The following STK32B variants were observed in gnomAD, a reference collection of about 807,000 sequenced individuals.
STK32B encodes serine/threonine kinase 32B.
A neutral mutation model predicts 52.6 loss-of-function variants in STK32B; 43 were observed. The ratio of observed to expected loss-of-function variants is 0.82; its 90% CI spans 0.64 to 1.05. STK32B has a LOEUF of 1.05. Ranked by LOEUF, STK32B falls within the 50% of genes least tolerant of loss-of-function variation. The pLI is 0.00. For synonymous variants in STK32B, 238 were observed against 204.3 expected (o/e 1.17, Z -1.41); for missense variants, 621 against 534.6 (o/e 1.16, Z -1.59).
At chr4:5,220,463 C>T (rs1220904353) in intron 3 of STK32B, among the ~76,000 whole-genome samples, 1 of 152,166 alleles carries the variant, frequency 6.6e-6, no homozygotes, top group African/African-American at 2.4e-5. Context: ...ATGAAATTGA[C>T]CTTTGAACTG....
intron 3 of STK32B, among the ~76,000 whole-genome samples, chr4:5,317,357 T>TAAC (rs1731124070): frequency 2.7e-5 from 1 of 37,186 alleles, no homozygotes; most frequent in African/African-American, 1.5e-4. Context: ...ATATAATATA[T>TAAC]ATAATGTATA....
At chr4:5,347,512 G>A (rs1194181454) in intron 4 of STK32B, among the ~76,000 whole-genome samples, 7 of 152,146 alleles carry the variant, frequency 4.6e-5, no homozygotes, top group Non-Finnish European at 8.8e-5. Flanking sequence ...TTTTAGTAGA[G>A]CTTATGTACT....
intron 6 of STK32B, among the ~76,000 whole-genome samples, chr4:5,426,035 A>G (rs953846726): frequency 1.3e-5 from 2 of 152,210 alleles, no homozygotes; most frequent in African/African-American, 4.8e-5. Flanking sequence ...ACAGTTTTAC[A>G]TATTTATGAA....
At position 5,466,536 on chromosome 4, in the gene STK32B, G is replaced by A. The variant is rs183780311; in HGVS notation, c.910-167G>A. On this transcript the variant is annotated intron_variant, in intron 9 of 11. Transcript: ENST00000282908. ...AATATATGATGTGTACAGTGAGAAC[G>A]TGTTGCTTTTTATCATCAGAAAACA... 2.0e-3 allele frequency among the ~76,000 whole-genome samples: 306 copies of A among 152,274 alleles called. 1 individual carries two copies. Among genetic ancestry groups the A allele is most frequent in the Non-Finnish European group, 2.6e-3 (179 of 68,018 alleles).
intron 3 of STK32B, among the ~76,000 whole-genome samples, chr4:5,292,639 CT>C (rs1185137801): frequency 6.6e-6 from 1 of 151,940 alleles, no homozygotes; most frequent in African/African-American, 2.4e-5. Context: ...TGCAAAAGCT[CT>C]TTAGTTTAAT....
chr4:5,496,946 C>T lies in STK32B; in HGVS notation c.1107-1999C>T, dbSNP rs7677678. On this transcript the variant is annotated intron_variant, in intron 11 of 11. Coordinates refer to ENST00000282908, the MANE Select transcript of STK32B (RefSeq NM_018401.3). The stretch of plus-strand genomic sequence containing the variant: ...AACAAAGAGGGTTTAGCTTAGAGAA[C>T]GATAAAGAAAAGAAATTGTGAGGAT... Among the ~76,000 whole-genome samples the T allele has an allele frequency of 1.9e-3, 285 of 152,056 alleles. 3 individuals are homozygous for T. The highest frequency in any genetic ancestry group is 6.5e-3 in the African/African-American group (268 of 41,458).
chr4:5,304,491 G>T (rs902840727), intron 3 of STK32B, among the ~76,000 whole-genome samples: 1 of 150,566 alleles, frequency 6.6e-6, no homozygotes, highest in African/African-American at 2.4e-5. Context: ...CTTGGTTGCT[G>T]TTGGTTTATA....
intron 3 of STK32B, among the ~76,000 whole-genome samples, chr4:5,241,033 C>T (rs980746160): frequency 4.6e-5 from 7 of 152,130 alleles, no homozygotes; most frequent in African/African-American, 1.7e-4. Context: ...AGGTTAATTA[C>T]TGTTTTATTG....
At chr4:5,357,040 C>CAT (rs1271236612) in intron 4 of STK32B, among the ~76,000 whole-genome samples, 2,781 of 148,672 alleles carry the variant, frequency 0.019, 86 homozygotes, top group African/African-American at 0.057. Context: ...CACACACACA[C>CAT]ATATATACAC....
chr4:5,477,152 G>T (rs970965090), intron 11 of STK32B, among the ~76,000 whole-genome samples: 1 of 152,138 alleles, frequency 6.6e-6, no homozygotes, highest in Non-Finnish European at 1.5e-5. Flanking sequence ...CTGTCTCACC[G>T]TGTAACCCTC....
At chr4:5,182,711 G>C (rs1176110968) in intron 3 of STK32B, among the ~76,000 whole-genome samples, 1 of 151,966 alleles carries the variant, frequency 6.6e-6, no homozygotes, top group Non-Finnish European at 1.5e-5. Flanking sequence ...TGCCTGCCTC[G>C]GCCTCTCAAA....
At chr4:5,290,954 C>T (rs1447100418) in intron 3 of STK32B, among the ~76,000 whole-genome samples, 1 of 152,062 alleles carries the variant, frequency 6.6e-6, no homozygotes, top group African/African-American at 2.4e-5. Flanking sequence ...AGGCTGCATT[C>T]TTTCCCCTAT....
chr4:5,461,755 G>A (rs945669327), intron 9 of STK32B, among the ~76,000 whole-genome samples: 6 of 152,280 alleles, frequency 3.9e-5, no homozygotes, highest in Non-Finnish European at 5.9e-5. Context: ...ACAGGGCTTC[G>A]TCCTTCATTC....
chr4:5,156,993 A>G (rs1042678778), intron 2 of STK32B, among the ~76,000 whole-genome samples: 10 of 150,042 alleles, frequency 6.7e-5, no homozygotes, highest in African/African-American at 2.5e-4. Context: ...TCAGAGTGTG[A>G]AAAAAAAAAG....
intron 1 of STK32B, among the ~76,000 whole-genome samples, chr4:5,117,312 C>T (rs1050892577): frequency 6.6e-6 from 1 of 152,064 alleles, no homozygotes. Context: ...GAGAAGTATT[C>T]CTGCTATACC....
chr4:5,441,819 G>T (rs1338072778), intron 6 of STK32B, among the ~76,000 whole-genome samples: 1 of 137,726 alleles, frequency 7.3e-6, no homozygotes, highest in Non-Finnish European at 1.6e-5. Flanking sequence ...GTTCTCGTTG[G>T]TTTCAAAGAA....
intron 3 of STK32B, among the ~76,000 whole-genome samples, chr4:5,206,638 C>G (rs1031377939): frequency 2.0e-5 from 3 of 152,126 alleles, no homozygotes; most frequent in Admixed American, 1.3e-4. Context: ...CATGCACACA[C>G]AAGCAGAGTG....
chr4:5,482,593 G>C (rs776022898), intron 11 of STK32B, among the ~76,000 whole-genome samples: 1 of 152,090 alleles, frequency 6.6e-6, no homozygotes, highest in African/African-American at 2.4e-5. Context: ...TATCCTGCCT[G>C]ATTGCCCTGG....
intron 1 of STK32B, among the ~76,000 whole-genome samples, chr4:5,072,369 C>G (rs192746330): frequency 9.9e-5 from 15 of 152,246 alleles, no homozygotes; most frequent in African/African-American, 2.9e-4. Context: ...TCAGTCTTTC[C>G]TACTTCAGCA....
Sources: gnomAD v4.1 joint callset for allele counts (sites outside exome capture counted in the v4.1 genomes callset) on GRCh38, gnomAD v4.1.1 for gene constraint, MANE v1.5 for transcripts, NCBI Gene and HGNC (gene_info 2026-07-23, HGNC 2026-07-21) for gene names.